Variants in P4HTM observed in about 807,000 individuals in gnomAD.
P4HTM encodes the protein prolyl 4-hydroxylase, transmembrane, also known as transmembrane prolyl 4-hydroxylase.
A neutral mutation model predicts 55.3 loss-of-function variants in P4HTM; 33 were observed. The ratio of observed to expected loss-of-function variants is 0.60; its 90% CI spans 0.45 to 0.80. The LOEUF (loss-of-function observed/expected upper bound fraction) is 0.80, where lower values mean the gene tolerates loss of function less well. P4HTM is among the 30% of genes least tolerant of loss of function. The pLI, the probability that P4HTM is intolerant of heterozygous loss-of-function variation, is 0.00. For synonymous variants in P4HTM, 272 were observed against 286.4 expected (o/e 0.95, Z 0.51); for missense variants, 542 against 696.5 (o/e 0.78, Z 2.50).
In P4HTM at chr3:49,001,502, G is replaced by C; in HGVS notation, c.501G>C (p.Gly167=). The change falls in exon 3 of 9, where the codon GGG becomes GGC. Residue 167 remains glycine, a synonymous_variant. Coordinates refer to ENST00000383729, the MANE Select transcript of P4HTM (RefSeq NM_177939.3). ...RLIIHLAQMK[G]LQRSQILPTE... ...TCATCCATCTGGCGCAGATGAAGGGGTTACAGCGCAGCCAGATCCTGCCTA... is the reference window on the plus strand; with the variant it reads ...TCATCCATCTGGCGCAGATGAAGGGCTTACAGCGCAGCCAGATCCTGCCTA... The C allele has an allele frequency of 6.2e-7, 1 of 1,613,902 alleles. No individual in the cohort carries two copies. Among genetic ancestry groups the C allele is most frequent in the African/African-American group, 1.3e-5 (1 of 75,034 alleles).
intron 2 of P4HTM, among the ~76,000 whole-genome samples, chr3:48,993,590 G>A (rs1444544849): frequency 6.6e-6 from 1 of 151,972 alleles, no homozygotes. Flanking sequence ...AGCCGGGCTT[G>A]GTGGTTCATG....
intron 2 of P4HTM, among the ~76,000 whole-genome samples, chr3:48,995,968 C>T (rs1478899398): frequency 6.6e-6 from 1 of 152,204 alleles, no homozygotes; most frequent in East Asian, 1.9e-4. Flanking sequence ...TTAGAGCATC[C>T]TCCACGTATC....
intron 5 of P4HTM, 99 bp downstream of exon 5, chr3:49,004,359 AC>A (rs1199343515): frequency 1.7e-6 from 2 of 1,210,310 alleles, no homozygotes; most frequent in Non-Finnish European, 2.2e-6. Flanking sequence ...GAATGGATTA[AC>A]CCATTTGGGA....
At chr3:48,991,655 G>A (rs1295316431) in intron 2 of P4HTM, 3 of 152,082 alleles carry the variant, frequency 2.0e-5, no homozygotes, top group Non-Finnish European at 4.4e-5. Flanking sequence ...TACTTCAGTG[G>A]TGAAGCTAGG....
chr3:49,006,007 C>A, intron 7 of P4HTM, 57 bp from the exon 8 acceptor site: 1 of 1,581,356 alleles, frequency 6.3e-7, no homozygotes, highest in South Asian at 1.1e-5. Context: ...TCACCCTTGG[C>A]TGGCCTGGCC....
In P4HTM at chr3:49,002,833, CT is replaced by C. The variant is rs2092965618; in HGVS notation, c.724+241del. The C allele has an allele frequency of 2.7e-5, 16 of 603,370 alleles. No individual in the cohort carries two copies. Among genetic ancestry groups the C allele is most frequent in the Non-Finnish European group, 4.9e-5 (16 of 328,914 alleles). The allele number at this position is 603,370 out of a possible 1,614,324, so 37.4% of individuals were successfully genotyped here. On this transcript the variant is annotated intron_variant, in intron 4 of 8. Transcript: ENST00000383729. This position sits in a 1 kb window ranked among gnomAD's most constrained non-coding sequence, Gnocchi z 4.4. The stretch of plus-strand genomic sequence containing the variant: ...GTCTCGAGGGCAGTTCTTGGAGACC[CT>C]TTTGATAACATCAGGCAGAGTTGAG...
In P4HTM at chr3:48,990,245, G is replaced by C. The variant is rs1437520965; in HGVS notation, c.-12G>C. 1.7e-6 allele frequency: 2 copies of C among 1,192,060 alleles called. No individual in the cohort carries two copies. Among genetic ancestry groups the C allele is most frequent in the Non-Finnish European group, 1.0e-6 (1 of 963,092 alleles). 73.8% of individuals were successfully genotyped at this position (1,192,060 alleles called of 1,614,324 possible). ...CGGCCCCTCCCCTGGGCGCGCGCGCGACCTGGGTGCCATGGCGGCAGCGGC... is the reference window on the plus strand; with the variant it reads ...CGGCCCCTCCCCTGGGCGCGCGCGCCACCTGGGTGCCATGGCGGCAGCGGC... On this transcript the variant is annotated 5_prime_UTR_variant, in exon 1 of 9. Transcript: ENST00000383729. The surrounding 1 kb of genome is among the most constrained non-coding windows in gnomAD (Gnocchi z 7.2).
At position 49,006,149 on chromosome 3, in the gene P4HTM, C is replaced by T. The variant is rs746600922; in HGVS notation, c.1250C>T (p.Thr417Ile). The change falls in exon 8 of 9, where the codon ACA becomes ATA. Residue 417 changes from threonine to isoleucine, a missense_variant. Coordinates refer to ENST00000383729, the MANE Select transcript of P4HTM (RefSeq NM_177939.3). ...GNLRVKPQQG[T>I]AVFWYNYLPD... ...CTGCGTGTCAAGCCCCAACAGGGCA[C>T]AGCAGTCTTCTGGTACAACTACCTG... The T allele has an allele frequency of 6.2e-7, 1 of 1,612,786 alleles. No individual in the cohort carries two copies. Among genetic ancestry groups the T allele is most frequent in the Non-Finnish European group, 8.5e-7 (1 of 1,179,882 alleles).
At chr3:48,995,513 TGA>T (rs2092943004) in intron 2 of P4HTM, among the ~76,000 whole-genome samples, 1 of 152,222 alleles carries the variant, frequency 6.6e-6, no homozygotes, top group Non-Finnish European at 1.5e-5. Flanking sequence ...CCCACAAAGG[TGA>T]GCTGCATATG....
intron 2 of P4HTM, chr3:48,997,249 C>A (rs115633731): frequency 1.3e-5 from 2 of 152,240 alleles, no homozygotes; most frequent in Non-Finnish European, 1.5e-5. Context: ...GTGCCAATGG[C>A]GCACAGCCAG....
rs1576609234 is a variant in P4HTM, at chr3:49,005,999, A to G, written c.1165-65A>G. 3 of 1,570,404 alleles carry G rather than the reference A, an allele frequency of 1.9e-6. No individual in the cohort carries two copies. The South Asian group carries it at 3.4e-5, about 18-fold the overall frequency. On this transcript the variant is annotated intron_variant, in intron 7 of 8. Coordinates refer to ENST00000383729, the MANE Select transcript of P4HTM (RefSeq NM_177939.3). ...ATATCTGGTTGGTTTCCCTTTGGTCACCCTTGGCTGGCCTGGCCATAGAGT... is the reference window on the plus strand; with the variant it reads ...ATATCTGGTTGGTTTCCCTTTGGTCGCCCTTGGCTGGCCTGGCCATAGAGT...
At chr3:48,997,021 G>C (rs972527179) in intron 2 of P4HTM, among the ~76,000 whole-genome samples, 1 of 152,232 alleles carries the variant, frequency 6.6e-6, no homozygotes, top group Admixed American at 6.5e-5. Context: ...TCAAAAAGCA[G>C]TTCCTAGCTG....
chr3:49,005,212 A>T, intron 6 of P4HTM, 166 bp downstream of exon 6: 1 of 1,560,066 alleles, frequency 6.4e-7, no homozygotes. Context: ...TGTTTACCCA[A>T]TGGCTGGAAA....
chr3:48,994,852 T>C (rs1489640758), intron 2 of P4HTM, among the ~76,000 whole-genome samples: 1 of 152,126 alleles, frequency 6.6e-6, no homozygotes, highest in African/African-American at 2.4e-5. Context: ...CCGGCTGGAG[T>C]GCAATGGTAC....
At chr3:49,003,302 CTGTGGCTGGA>C (rs58023740) in intron 4 of P4HTM, 123,982 of 168,802 alleles carry the variant, frequency 0.73, 46,577 homozygotes, top group East Asian at 0.98. Flanking sequence ...TGGCCGTGAC[CTGTGGCTGGA>C]TGGCTGCCAC....
At position 49,002,468 on chromosome 3, in the gene P4HTM, G is replaced by T. The variant is rs781003637; in HGVS notation, c.628-32G>T. ...TCTCTGCTGGCTCTCCATCACTGGG[G>T]TCACCCACTGAGGGACCCTCTTATG... On this transcript the variant is annotated intron_variant, in intron 3 of 8. Coordinates refer to ENST00000383729, the MANE Select transcript of P4HTM (RefSeq NM_177939.3). This position sits in a 1 kb window ranked among gnomAD's most constrained non-coding sequence, Gnocchi z 4.4. 2.7e-6 allele frequency: 4 copies of T among 1,480,290 alleles called. No individual in the cohort carries two copies. Among genetic ancestry groups the T allele is most frequent in the East Asian group, 2.3e-5 (1 of 44,250 alleles). The allele number at this position is 1,480,290 out of a possible 1,614,324, so 91.7% of individuals were successfully genotyped here.
intron 2 of P4HTM, among the ~76,000 whole-genome samples, chr3:48,995,500 C>T (rs563871467): frequency 6.6e-6 from 1 of 152,322 alleles, no homozygotes; most frequent in African/African-American, 2.4e-5. Context: ...ATTTGTACCT[C>T]TGCCCACAAA....
intron 5 of P4HTM, 119 bp from the exon 6 acceptor site, chr3:49,004,742 A>G (rs746109414): frequency 4.1e-6 from 4 of 981,014 alleles, no homozygotes; most frequent in East Asian, 2.4e-5. Context: ...GGCTTAAGGG[A>G]CTTCCAGGGG....
At chr3:49,000,778 A>G (rs1173773070) in intron 2 of P4HTM, among the ~76,000 whole-genome samples, 1 of 152,206 alleles carries the variant, frequency 6.6e-6, no homozygotes, top group Admixed American at 6.5e-5. Context: ...GTAGAGGCAT[A>G]GAGTAGGCAC....
Sources: gnomAD v4.1 joint callset for allele counts (sites outside exome capture counted in the v4.1 genomes callset) on GRCh38, gnomAD v4.1.1 for gene constraint, Gnocchi (gnomAD v3.1) non-coding constraint, MANE v1.5 for transcripts, NCBI Gene and HGNC (gene_info 2026-07-23, HGNC 2026-07-21) for gene names.